The following CNBD1 variants were observed in gnomAD, a reference collection of about 807,000 sequenced individuals.
The protein encoded by CNBD1 is cyclic nucleotide-binding domain-containing protein 1.
Under a neutral mutation model 54.4 loss-of-function variants are expected in CNBD1, and 71 were observed. That is an observed-to-expected ratio of 1.30 (90% confidence interval 1.08 to 1.59). The LOEUF (loss-of-function observed/expected upper bound fraction) is 1.59. CNBD1 is among the 40% of genes most tolerant of loss of function. The pLI, the probability that CNBD1 is intolerant of heterozygous loss-of-function variation, is 0.00. For missense variants in CNBD1, 659 were observed against 518.0 expected (o/e 1.27, Z -2.64); for synonymous variants, 182 against 170.7 (o/e 1.07, Z -0.51).
chr8:87,240,739 G>A (rs906112282), intron 6 of CNBD1, among the ~76,000 whole-genome samples: 4 of 152,242 alleles, frequency 2.6e-5, no homozygotes, highest in Admixed American at 1.3e-4. Flanking sequence ...ATGGTAATGG[G>A]ACCTTATGTG....
At chr8:86,997,021 A>G (rs1808889071) in intron 4 of CNBD1, among the ~76,000 whole-genome samples, 1 of 152,170 alleles carries the variant, frequency 6.6e-6, no homozygotes, top group Non-Finnish European at 1.5e-5. Context: ...ATCTCTAGAA[A>G]GCCCTACCTT....
At chr8:87,186,134 G>A (rs992014272) in intron 4 of CNBD1, among the ~76,000 whole-genome samples, 1 of 151,896 alleles carries the variant, frequency 6.6e-6, no homozygotes, top group Non-Finnish European at 1.5e-5. Flanking sequence ...AGAAACCTAC[G>A]CCAAAATGTA....
chr8:87,243,230 C>T (rs910267466), intron 6 of CNBD1, among the ~76,000 whole-genome samples: 1 of 152,104 alleles, frequency 6.6e-6, no homozygotes, highest in East Asian at 1.9e-4. Context: ...ATGGTGGATC[C>T]AACTAAAGAA....
At chr8:87,380,328 A>C (rs1381501357) in intron 10 of CNBD1, among the ~76,000 whole-genome samples, 1 of 151,878 alleles carries the variant, frequency 6.6e-6, no homozygotes, top group Non-Finnish European at 1.5e-5. Context: ...AGTTGATCAT[A>C]TATACATGGA....
intron 10 of CNBD1, among the ~76,000 whole-genome samples, chr8:87,358,149 C>T (rs1014455467): frequency 2.0e-5 from 3 of 152,126 alleles, no homozygotes; most frequent in African/African-American, 7.2e-5. Flanking sequence ...TCAAATAAAC[C>T]TCTTTCCTTT....
Position 87,328,768 on chromosome 8 carries a change from C to T in CNBD1, c.1043-22917C>T, listed in dbSNP as rs1160253871. 2.0e-5 allele frequency among the ~76,000 whole-genome samples: 3 copies of T among 152,016 alleles called. No individual in the cohort carries two copies. In the East Asian group the frequency reaches 5.8e-4, roughly 29 times the overall value. On this transcript the variant is annotated intron_variant, in intron 8 of 10. Coordinates refer to ENST00000518476, the MANE Select transcript of CNBD1 (RefSeq NM_173538.3). Reference sequence around the variant, plus strand: ...TTATCTTTTTATTTATTTATGCCCTCTTTAATTTTTTAACAATGTTTTATA... The same window carrying T: ...TTATCTTTTTATTTATTTATGCCCTTTTTAATTTTTTAACAATGTTTTATA...
At chr8:86,975,895 ATCTTTTT>A (rs1011549687) in intron 4 of CNBD1, among the ~76,000 whole-genome samples, 3 of 152,010 alleles carry the variant, frequency 2.0e-5, no homozygotes, top group Admixed American at 2.0e-4. Flanking sequence ...ACACTTGGTT[ATCTTTTT>A]TCTTTTTGAT....
intron 8 of CNBD1, among the ~76,000 whole-genome samples, chr8:87,298,961 T>C (rs1335384467): frequency 6.6e-6 from 1 of 152,218 alleles, no homozygotes; most frequent in East Asian, 1.9e-4. Flanking sequence ...AGAAACTCAA[T>C]CTCAAACGTT....
intron 8 of CNBD1, among the ~76,000 whole-genome samples, chr8:87,303,429 G>A (rs1033833994): frequency 6.6e-6 from 1 of 151,710 alleles, no homozygotes; most frequent in Non-Finnish European, 1.5e-5. Flanking sequence ...AAACTGGCTA[G>A]CCATATGTAG....
At chr8:87,335,726 T>A (rs1809932154) in intron 8 of CNBD1, among the ~76,000 whole-genome samples, 2 of 152,176 alleles carry the variant, frequency 1.3e-5, no homozygotes, top group Admixed American at 1.3e-4. Context: ...TATGGTTATG[T>A]GTGAATTTTA....
At chr8:87,086,703 T>A (rs1811102500) in intron 4 of CNBD1, among the ~76,000 whole-genome samples, 1 of 152,092 alleles carries the variant, frequency 6.6e-6, no homozygotes, top group Non-Finnish European at 1.5e-5. Flanking sequence ...AAATTTAAAT[T>A]ATGTGATTAT....
At chr8:86,926,626 A>G (rs1809365507) in intron 3 of CNBD1, among the ~76,000 whole-genome samples, 1 of 151,966 alleles carries the variant, frequency 6.6e-6, no homozygotes, top group Admixed American at 6.6e-5. Flanking sequence ...TGGGTCTCAT[A>G]CTATCCCTGA....
chr8:87,229,629 A>G (rs16897756), intron 5 of CNBD1, among the ~76,000 whole-genome samples: 11,417 of 152,066 alleles, frequency 0.075, 1,341 homozygotes, highest in African/African-American at 0.24. Context: ...GTTTCAGCCA[A>G]ATTTTATACT....
intron 2 of CNBD1, among the ~76,000 whole-genome samples, chr8:87,395,365 G>A (rs181801451): frequency 3.3e-5 from 5 of 151,948 alleles, no homozygotes; most frequent in Non-Finnish European, 7.4e-5. Context: ...CACAAGTTAT[G>A]GAGAAGAGGG....
intron 2 of CNBD1, among the ~76,000 whole-genome samples, chr8:86,887,990 C>T (rs923286332): frequency 1.3e-5 from 2 of 152,134 alleles, no homozygotes; most frequent in African/African-American, 2.4e-5. Flanking sequence ...TAGGAAATAT[C>T]ACTGTTCAAA....
At chr8:86,953,632 C>T (rs773593817) in intron 4 of CNBD1, among the ~76,000 whole-genome samples, 3 of 152,018 alleles carry the variant, frequency 2.0e-5, no homozygotes, top group Admixed American at 6.6e-5. Context: ...TTTGGGAGGC[C>T]GAGGTGGGTG....
intron 3 of CNBD1, among the ~76,000 whole-genome samples, chr8:86,911,583 A>T (rs1206253265): frequency 6.6e-6 from 1 of 152,214 alleles, no homozygotes; most frequent in Non-Finnish European, 1.5e-5. Flanking sequence ...ACATTTATCT[A>T]TGCTGGGAAC....
intron 10 of CNBD1, among the ~76,000 whole-genome samples, chr8:87,379,584 G>T (rs988928173): frequency 6.6e-6 from 1 of 151,818 alleles, no homozygotes; most frequent in Non-Finnish European, 1.5e-5. Flanking sequence ...TTGATGACTA[G>T]AGAACTGCAT....
intron 6 of CNBD1, 26 bp downstream of exon 6, chr8:87,237,138 C>T (rs1229608670): frequency 2.0e-6 from 3 of 1,463,506 alleles, no homozygotes; most frequent in African/African-American, 1.4e-5. Flanking sequence ...TTGCTTTTTC[C>T]ACAAGCAACA....
Sources: allele counts gnomAD v4.1 joint callset (sites outside exome capture counted in the v4.1 genomes callset), GRCh38; gene constraint gnomAD v4.1.1; transcripts MANE v1.5; gene names NCBI Gene and HGNC (gene_info 2026-07-23, HGNC 2026-07-21).